The following SDHAF4 variants were observed in gnomAD, a reference collection of about 807,000 sequenced individuals.
The protein encoded by SDHAF4 is succinate dehydrogenase complex assembly factor 4, also known as succinate dehydrogenase assembly factor 4, mitochondrial.
Under a neutral mutation model 14.3 loss-of-function variants are expected in SDHAF4, and 14 were observed. The observed-to-expected ratio is 0.98, with a 90% CI of 0.65 to 1.53. The LOEUF (loss-of-function observed/expected upper bound fraction) is 1.53. SDHAF4 is among the 40% of genes most tolerant of loss of function. The probability of loss-of-function intolerance (pLI) is 0.00; values close to 1 mark genes in which losing one functional copy is unlikely to be tolerated. For synonymous variants in SDHAF4, 63 were observed against 47.3 expected, an observed-to-expected ratio of 1.33 and a Z score of -1.36; for missense variants, 141 against 129.3, an observed-to-expected ratio of 1.09 and a Z score of -0.44.
At chr6:70,596,965 A>G in the SDHAF4 span, 1 of 152,262 alleles carries the variant, frequency 6.6e-6, no homozygotes, top group South Asian at 2.1e-4. Context: ...TAAATAAAAG[A>G]TAAGAATGGC....
chr6:70,573,769 G>C (rs1220774547), intron 1 of SDHAF4, among the ~76,000 whole-genome samples: 1 of 150,488 alleles, frequency 6.6e-6, no homozygotes, highest in Non-Finnish European at 1.5e-5. Context: ...CTGCTGCCCT[G>C]GTTCAAGCGA....
At chr6:70,584,240 C>G (rs1372891469) in intron 2 of SDHAF4, among the ~76,000 whole-genome samples, 2 of 152,208 alleles carry the variant, frequency 1.3e-5, no homozygotes, top group African/African-American at 4.8e-5. Flanking sequence ...TGGTCTCGAA[C>G]TGCTGACCTC....
rs70990316 is a variant in SDHAF4 at position 70,586,428 on chromosome 6, C to CTTT, written c.218-2166_218-2164dup. ...GTTATTCTTGTATGTATTTGTTTGCCTTTTTTTTTTTTTTTTTTTTTTTGG... is the reference window on the plus strand; with the variant it reads ...GTTATTCTTGTATGTATTTGTTTGCCTTTTTTTTTTTTTTTTTTTTTTTTTTGG... On this transcript the variant is annotated intron_variant, in intron 2 of 2. Transcript: ENST00000370474. Among the ~76,000 whole-genome samples, 141 of 80,300 alleles carry CTTT rather than the reference C, an allele frequency of 1.8e-3. 1 individual carries two copies. Among genetic ancestry groups the CTTT allele is most frequent in the African/African-American group, 4.3e-3 (86 of 19,938 alleles). The allele number at this position is 80,300 out of a possible 152,430, so 52.7% of individuals were successfully genotyped here.
At chr6:70,567,093 T>G in intron 1 of SDHAF4, 89 bp downstream of exon 1, 3 of 1,322,852 alleles carry the variant, frequency 2.3e-6, no homozygotes, top group South Asian at 1.3e-5. Flanking sequence ...GGAAGCCGCG[T>G]GTGTCCTGGC....
chr6:70,580,724 C>T (rs1802311616), intron 2 of SDHAF4, among the ~76,000 whole-genome samples: 2 of 152,044 alleles, frequency 1.3e-5, no homozygotes, highest in African/African-American at 4.8e-5. Context: ...AAGCTGGACC[C>T]AGAAGGGCAA....
the SDHAF4 span, among the ~76,000 whole-genome samples, chr6:70,595,417 G>C: frequency 2.0e-5 from 3 of 152,178 alleles, no homozygotes; most frequent in South Asian, 6.2e-4. Context: ...ATTAGGACTA[G>C]TCATTTGGTC....
At chr6:70,589,735 C>G (rs1765242162), downstream of SDHAF4, among the ~76,000 whole-genome samples, 1 of 152,134 alleles carries the variant, frequency 6.6e-6, no homozygotes, top group Non-Finnish European at 1.5e-5. Flanking sequence ...CTACTTCTTA[C>G]TACCTATGTG....
chr6:70,577,807 G>A (rs930753564), intron 1 of SDHAF4, among the ~76,000 whole-genome samples: 14 of 152,168 alleles, frequency 9.2e-5, no homozygotes, highest in Admixed American at 9.2e-4. Flanking sequence ...AAAATTATAT[G>A]TGAGAATATG....
At chr6:70,592,421 A>G (rs1765267277), downstream of SDHAF4, among the ~76,000 whole-genome samples, 2 of 152,360 alleles carry the variant, frequency 1.3e-5, no homozygotes, top group South Asian at 4.1e-4. Context: ...GCTGATAGAA[A>G]TATGGACAGT....
intron 2 of SDHAF4, among the ~76,000 whole-genome samples, chr6:70,582,162 C>T (rs1765139496): frequency 6.6e-6 from 1 of 152,132 alleles, no homozygotes. Context: ...CCCTCAACCT[C>T]CTGGGGTTCC....
chr6:70,579,495 A>G lies in SDHAF4; in HGVS notation c.146A>G (p.Lys49Arg). ...GKSELVKQSL[K>R]KPKLPEGRFD... ...TCTGAACTTGTCAAACAGTCCCTTAAGAAGCCGAAGTTACCAGAAGGTCGT... is the reference window on the plus strand; with the variant it reads ...TCTGAACTTGTCAAACAGTCCCTTAGGAAGCCGAAGTTACCAGAAGGTCGT... The change falls in exon 2 of 3, where the codon AAG becomes AGG. Residue 49 changes from lysine to arginine, a missense_variant. Coordinates refer to ENST00000370474, the MANE Select transcript of SDHAF4 (RefSeq NM_145267.3). 6.2e-7 allele frequency: 1 copy of G among 1,612,228 alleles called. No homozygotes were observed. Among genetic ancestry groups the G allele is most frequent in the Non-Finnish European group, 8.5e-7 (1 of 1,178,990 alleles).
intron 2 of SDHAF4, among the ~76,000 whole-genome samples, chr6:70,583,556 T>C (rs1420809254): frequency 2.0e-5 from 3 of 152,232 alleles, no homozygotes; most frequent in East Asian, 1.9e-4. Flanking sequence ...GGCTTCAGCA[T>C]AAATTATATA....
chr6:70,567,514 CA>C (rs1802113009), intron 1 of SDHAF4: 1 of 153,134 alleles, frequency 6.5e-6, no homozygotes, highest in African/African-American at 2.4e-5. Flanking sequence ...GAGCCAAAGG[CA>C]AATAAGTATA....
In SDHAF4 at chr6:70,577,564, G is replaced by A. The variant is rs535117723; in HGVS notation, c.65-1850G>A. On this transcript the variant is annotated intron_variant, in intron 1 of 2. Coordinates refer to ENST00000370474, the MANE Select transcript of SDHAF4 (RefSeq NM_145267.3). ...AGACACCCAGTACATTTTAAAATCC[G>A]AAGTTTTATTTTAGATTCAGGGAGT... Among the ~76,000 whole-genome samples the A allele has an allele frequency of 5.3e-5, 8 of 152,238 alleles. No homozygotes were observed. In the South Asian group the frequency reaches 1.2e-3, roughly 24 times the overall value.
intron 1 of SDHAF4, among the ~76,000 whole-genome samples, chr6:70,573,965 T>A (rs1802218676): frequency 6.6e-6 from 1 of 151,834 alleles, no homozygotes; most frequent in Non-Finnish European, 1.5e-5. Flanking sequence ...TGTGAGCCAC[T>A]GTGCCCAGCC....
intron 2 of SDHAF4, among the ~76,000 whole-genome samples, chr6:70,580,019 TCTTAA>T (rs796295252): frequency 9.9e-5 from 15 of 151,978 alleles, no homozygotes; most frequent in South Asian, 2.1e-4. Flanking sequence ...AGCACTTGAG[TCTTAA>T]CTTATATATT....
chr6:70,592,539 A>T (rs1398590709), downstream of SDHAF4, among the ~76,000 whole-genome samples: 2 of 152,220 alleles, frequency 1.3e-5, no homozygotes, highest in African/African-American at 4.8e-5. Context: ...GATTGTGTCC[A>T]GGCCCAAGGC....
chr6:70,592,723 T>TA (rs1439576390), downstream of SDHAF4, among the ~76,000 whole-genome samples: 1 of 152,204 alleles, frequency 6.6e-6, no homozygotes, highest in African/African-American at 2.4e-5. Flanking sequence ...ATAAGTTACT[T>TA]AAAGACAGAA....
In SDHAF4 at chr6:70,579,507, T is replaced by C; in HGVS notation, c.158T>C (p.Leu53Ser). The C allele has an allele frequency of 6.2e-7, 1 of 1,611,690 alleles. No individual in the cohort carries two copies. Among genetic ancestry groups the C allele is most frequent in the South Asian group, 1.1e-5 (1 of 90,694 alleles). The change falls in exon 2 of 3, where the codon TTA (leucine) becomes TCA (serine). Residue 53 changes from leucine (L) to serine (S), a missense_variant. Transcript: ENST00000370474. ...AAACAGTCCCTTAAGAAGCCGAAGT[T>C]ACCAGAAGGTCGTTTTGATGCACCA... Reference protein sequence around the residue: ...LVKQSLKKPKLPEGRFDAPED... With the variant: ...LVKQSLKKPKSPEGRFDAPED...
Sources: allele counts gnomAD v4.1 joint callset (sites outside exome capture counted in the v4.1 genomes callset), GRCh38; gene constraint gnomAD v4.1.1; transcripts MANE v1.5; gene names NCBI Gene and HGNC (gene_info 2026-07-23, HGNC 2026-07-21).